Variants in CACNA2D1 observed in about 807,000 individuals in gnomAD.
CACNA2D1 encodes the protein calcium voltage-gated channel auxiliary subunit alpha2delta 1.
In CACNA2D1, 53 loss-of-function variants were observed where a neutral mutation model predicts 171.5. That is an observed-to-expected ratio of 0.31 (90% CI 0.25 to 0.39). The LOEUF (loss-of-function observed/expected upper bound fraction) is 0.39, where lower values mean the gene tolerates loss of function less well. Among genes scored for constraint, CACNA2D1 ranks in the 10% least tolerant of loss-of-function variants. CACNA2D1 has a pLI of 1.00. For missense variants in CACNA2D1, 903 were observed against 1,299.8 expected (o/e 0.69, Z 4.69); for synonymous variants, 442 against 443.1 (o/e 1.00, Z 0.03).
intron 1 of CACNA2D1, among the ~76,000 whole-genome samples, chr7:82,365,383 A>G (rs1040431550): frequency 1.3e-5 from 2 of 152,376 alleles, no homozygotes; most frequent in Admixed American, 1.3e-4. Flanking sequence ...ACATATGATT[A>G]CTTTGGTTTA....
rs1030637765 is a variant in CACNA2D1 at position 81,947,902 on chromosome 7, A to G, written c.*2490T>C. 3.3e-5 allele frequency: 5 copies of G among 151,926 alleles called. No individual in the cohort carries two copies. The highest frequency in any genetic ancestry group is 1.2e-4 in the African/African-American group (5 of 41,436). 9.4% of individuals were successfully genotyped at this position (151,926 alleles called of 1,614,324 possible). A position where few individuals can be genotyped will look rare whatever the true frequency, so the allele number is the denominator to read the frequency against. ...ATTGCATTTATGGTTGTCATAATAT[A>G]TAACTTTATAGCAGAAAATAAAGGT... is the stretch of plus-strand genomic sequence containing the variant. On this transcript the variant is annotated 3_prime_UTR_variant, in exon 39 of 39. Coordinates refer to ENST00000356860, the MANE Select transcript of CACNA2D1 (RefSeq NM_000722.4).
intron 3 of CACNA2D1, among the ~76,000 whole-genome samples, chr7:82,277,499 C>T (rs1809506347): frequency 6.6e-6 from 1 of 152,068 alleles, no homozygotes; most frequent in Non-Finnish European, 1.5e-5. Flanking sequence ...TGCGCCCAAC[C>T]CCCTTTTTTT....
Position 82,111,412 on chromosome 7 carries a change from ATGTG to A in CACNA2D1, c.526+5628_526+5631del, listed in dbSNP as rs1563065144. 1.9e-3 allele frequency among the ~76,000 whole-genome samples: 160 copies of A among 85,896 alleles called. 2 individuals carry two copies. Among genetic ancestry groups the A allele is most frequent in the African/African-American group, 6.4e-3 (156 of 24,242 alleles). 56.4% of individuals were successfully genotyped at this position (85,896 alleles called of 152,430 possible). On this transcript the variant is annotated intron_variant, in intron 6 of 38. Transcript: ENST00000356860. ...TATATATGTATATATATATTCATATATGTGTATATATGTGTGTATATATATATAT... is the reference window on the plus strand; with the variant it reads ...TATATATGTATATATATATTCATATATATATATGTGTGTATATATATATAT...
intron 3 of CACNA2D1, among the ~76,000 whole-genome samples, chr7:82,177,068 A>ATTTTTTTTTTTTTTTTTT (rs1181991934): frequency 1.8e-5 from 1 of 55,230 alleles, no homozygotes; most frequent in African/African-American, 8.3e-5. Context: ...ACAGGTCTCT[A>ATTTTTTTTTTTTTTTTTT]TTTTTTTTTT....
At chr7:82,236,100 T>C (rs1803557116) in intron 3 of CACNA2D1, among the ~76,000 whole-genome samples, 1 of 150,964 alleles carries the variant, frequency 6.6e-6, no homozygotes, top group African/African-American at 2.4e-5. Context: ...AATTCTCAGT[T>C]ACACAGCACT....
chr7:82,135,703 T>C (rs1363668507), intron 5 of CACNA2D1, among the ~76,000 whole-genome samples: 8 of 152,134 alleles, frequency 5.3e-5, no homozygotes, highest in Non-Finnish European at 1.2e-4. Flanking sequence ...ACTTGTTTTA[T>C]GTATTTTTTC....
At chr7:82,383,516 TAGAAC>T (rs565313200) in intron 1 of CACNA2D1, among the ~76,000 whole-genome samples, 111 of 152,316 alleles carry the variant, frequency 7.3e-4, no homozygotes, top group African/African-American at 2.6e-3. Flanking sequence ...AAATAGGTGA[TAGAAC>T]AGACTCAGGA....
intron 7 of CACNA2D1, among the ~76,000 whole-genome samples, chr7:82,070,466 G>T (rs886246688): frequency 2.0e-5 from 3 of 152,152 alleles, no homozygotes; most frequent in Non-Finnish European, 4.4e-5. Flanking sequence ...GTGGAGAGTG[G>T]TAGTGCATGG....
intron 4 of CACNA2D1, among the ~76,000 whole-genome samples, chr7:82,153,821 C>A (rs1794089375): frequency 6.6e-6 from 1 of 150,576 alleles, no homozygotes; most frequent in Non-Finnish European, 1.5e-5. Flanking sequence ...CTAAGATATA[C>A]AATTCTACCC....
chr7:82,022,753 C>G (rs1219374095), intron 12 of CACNA2D1, among the ~76,000 whole-genome samples: 1 of 151,860 alleles, frequency 6.6e-6, no homozygotes, highest in Admixed American at 6.6e-5. Flanking sequence ...CTTTCTCAAT[C>G]ATTTTTTAAA....
intron 6 of CACNA2D1, among the ~76,000 whole-genome samples, chr7:82,111,989 T>C (rs1563066592): frequency 6.6e-6 from 1 of 152,076 alleles, no homozygotes. Flanking sequence ...AGTTAACTAA[T>C]ATATATCAAC....
At chr7:82,430,673 T>C (rs961409248) in intron 1 of CACNA2D1, among the ~76,000 whole-genome samples, 1 of 152,172 alleles carries the variant, frequency 6.6e-6, no homozygotes, top group Non-Finnish European at 1.5e-5. Context: ...TAGATGAGTG[T>C]AACTAACCAT....
intron 4 of CACNA2D1, among the ~76,000 whole-genome samples, chr7:82,159,200 A>G (rs1286746141): frequency 6.6e-6 from 1 of 151,946 alleles, no homozygotes; most frequent in Non-Finnish European, 1.5e-5. Flanking sequence ...TTTCCTAATA[A>G]CTTCTAGCTA....
chr7:82,036,639 G>A (rs556843207), intron 11 of CACNA2D1, among the ~76,000 whole-genome samples: 1 of 152,264 alleles, frequency 6.6e-6, no homozygotes, highest in Admixed American at 6.5e-5. Context: ...ACTCAGAGCA[G>A]CTGGTCCTGT....
intron 4 of CACNA2D1, among the ~76,000 whole-genome samples, chr7:82,142,946 T>C (rs577824714): frequency 1.1e-4 from 16 of 152,260 alleles, no homozygotes; most frequent in Middle Eastern, 3.4e-3. Context: ...TTTTGTCCAT[T>C]ATCAACTGTT....
intron 1 of CACNA2D1, among the ~76,000 whole-genome samples, chr7:82,350,966 A>G (rs1199945862): frequency 6.6e-6 from 1 of 152,318 alleles, no homozygotes; most frequent in South Asian, 2.1e-4. Flanking sequence ...GGTATGAGAG[A>G]TATTACCAAA....
At chr7:82,120,268 T>C (rs549565001) in intron 5 of CACNA2D1, among the ~76,000 whole-genome samples, 1 of 152,308 alleles carries the variant, frequency 6.6e-6, no homozygotes, top group South Asian at 2.1e-4. Flanking sequence ...CCAATATGTA[T>C]GTATGTACGT....
intron 3 of CACNA2D1, among the ~76,000 whole-genome samples, chr7:82,229,376 T>A (rs1802669746): frequency 6.6e-6 from 1 of 152,136 alleles, no homozygotes; most frequent in Non-Finnish European, 1.5e-5. Context: ...TGCACACTGG[T>A]CAAACTATAA....
At position 82,099,571 on chromosome 7, in the gene CACNA2D1, T is replaced by A. The variant is rs562598406; in HGVS notation, c.527-14671A>T. Among the ~76,000 whole-genome samples the A allele has an allele frequency of 1.2e-3, 123 of 105,100 alleles. 34 individuals carry two copies. Among genetic ancestry groups the A allele is most frequent in the Non-Finnish European group, 2.0e-3 (98 of 47,854 alleles). 68.9% of individuals were successfully genotyped at this position (105,100 alleles called of 152,430 possible). A position where few individuals can be genotyped will look rare whatever the true frequency, so the allele number is the denominator to read the frequency against. The stretch of plus-strand genomic sequence containing the variant: ...TTCACGCCATTCTCCTGCCTCAGCC[T>A]CCCAAGTAGCTGGGACTACAGGCGC... On this transcript the variant is annotated intron_variant, in intron 6 of 38. Coordinates refer to ENST00000356860, the MANE Select transcript of CACNA2D1 (RefSeq NM_000722.4).
Sources: allele counts gnomAD v4.1 joint callset (sites outside exome capture counted in the v4.1 genomes callset), GRCh38; gene constraint gnomAD v4.1.1; transcripts MANE v1.5; gene names NCBI Gene and HGNC (gene_info 2026-07-23, HGNC 2026-07-21).